Variants in SYN3 observed in about 807,000 individuals in gnomAD.
SYN3 encodes synapsin-3.
SYN3 carries 35 observed loss-of-function variants against 65.8 expected under a neutral mutation model. The observed-to-expected ratio is 0.53, with a 90% CI of 0.41 to 0.70. The LOEUF is 0.70. SYN3 is among the 30% of genes least tolerant of loss of function. The probability of loss-of-function intolerance (pLI) is 0.00; values close to 1 mark genes in which losing one functional copy is unlikely to be tolerated. For synonymous variants in SYN3, 270 were observed against 292.9 expected (o/e 0.92, Z 0.80); for missense variants, 680 against 749.0 (o/e 0.91, Z 1.08).
At chr22:32,891,119 T>C (rs895075437) in intron 4 of SYN3, among the ~76,000 whole-genome samples, 3 of 152,134 alleles carry the variant, frequency 2.0e-5, no homozygotes, top group Non-Finnish European at 4.4e-5. Flanking sequence ...TGCTCCAGTT[T>C]CTTAGGTACC....
intron 6 of SYN3, among the ~76,000 whole-genome samples, chr22:32,823,027 C>A (rs1337747201): frequency 2.0e-5 from 3 of 152,124 alleles, no homozygotes; most frequent in Non-Finnish European, 1.5e-5. Flanking sequence ...TTACTCTGCG[C>A]TGTGGGATTT....
chr22:32,987,937 A>G (rs2052577205), intron 2 of SYN3, among the ~76,000 whole-genome samples: 1 of 152,222 alleles, frequency 6.6e-6, no homozygotes, highest in Non-Finnish European at 1.5e-5. Flanking sequence ...TACGAATAAA[A>G]TGCACGACCA....
At chr22:32,981,195 G>A (rs920000704) in intron 2 of SYN3, among the ~76,000 whole-genome samples, 27 of 151,858 alleles carry the variant, frequency 1.8e-4, no homozygotes, top group African/African-American at 6.3e-4. Flanking sequence ...GTAGAGGGGA[G>A]ATGGTGGATA....
intron 6 of SYN3, among the ~76,000 whole-genome samples, chr22:32,847,747 TTGAG>T (rs1197097375): frequency 6.6e-6 from 1 of 152,240 alleles, no homozygotes; most frequent in Non-Finnish European, 1.5e-5. Context: ...CAAGCATTTA[TTGAG>T]TATCTACTCC....
At chr22:32,637,708 G>A (rs1459461652) in intron 6 of SYN3, among the ~76,000 whole-genome samples, 2 of 138,656 alleles carry the variant, frequency 1.4e-5, no homozygotes, top group Non-Finnish European at 3.0e-5. Flanking sequence ...CACGATGCCA[G>A]CTCACTGCAA....
chr22:32,838,179 A>G (rs1268231635), intron 6 of SYN3, among the ~76,000 whole-genome samples: 1 of 152,188 alleles, frequency 6.6e-6, no homozygotes, highest in Non-Finnish European at 1.5e-5. Flanking sequence ...AGGATCTGAG[A>G]TGCATAGTTC....
intron 6 of SYN3, among the ~76,000 whole-genome samples, chr22:32,644,101 A>AAAAAAAAAAAAAAAAAAAAAAAAAAGAG (rs368236821): frequency 1.4e-5 from 1 of 71,214 alleles, no homozygotes. Flanking sequence ...AAAAAAAAAA[A>AAAAAAAAAAAAAAAAAAAAAAAAAAGAG]AGCGACAAGA....
At chr22:33,044,073 G>T (rs2054014255) in intron 1 of SYN3, among the ~76,000 whole-genome samples, 1 of 151,602 alleles carries the variant, frequency 6.6e-6, no homozygotes, top group African/African-American at 2.4e-5. Context: ...AAAGTGCATT[G>T]AACTATGCTT....
chr22:32,944,991 G>A (rs1298805841), intron 3 of SYN3, among the ~76,000 whole-genome samples: 1 of 152,192 alleles, frequency 6.6e-6, no homozygotes, highest in Non-Finnish European at 1.5e-5. Context: ...CAAGGGATGT[G>A]AAGGATCTCT....
intron 6 of SYN3, among the ~76,000 whole-genome samples, chr22:32,841,312 G>C (rs538884859): frequency 3.9e-5 from 6 of 152,332 alleles, no homozygotes; most frequent in African/African-American, 1.4e-4. Context: ...GCCAGTGTCT[G>C]ATAGAGCACA....
intron 4 of SYN3, among the ~76,000 whole-genome samples, chr22:32,884,167 C>A (rs753754906): frequency 4.6e-5 from 7 of 152,242 alleles, no homozygotes; most frequent in South Asian, 2.1e-4. Context: ...CATTTCCCAA[C>A]AAATACACAC....
At chr22:32,562,779 T>C (rs576022350) in intron 7 of SYN3, among the ~76,000 whole-genome samples, 1 of 152,270 alleles carries the variant, frequency 6.6e-6, no homozygotes, top group Non-Finnish European at 1.5e-5. Context: ...TTCAATCTTA[T>C]ATGGACATTT....
chr22:32,848,322 T>A (rs1004994442), intron 6 of SYN3, among the ~76,000 whole-genome samples: 1 of 152,190 alleles, frequency 6.6e-6, no homozygotes, highest in Admixed American at 6.5e-5. Flanking sequence ...TTTCATAAGA[T>A]CTTTCGTTCA....
At chr22:32,977,718 T>C (rs1213897093) in intron 3 of SYN3, among the ~76,000 whole-genome samples, 3 of 132,816 alleles carry the variant, frequency 2.3e-5, no homozygotes, top group African/African-American at 8.6e-5. Flanking sequence ...CACTCCAGCC[T>C]GGCGACAGGG....
At chr22:32,617,594 T>C (rs1039061301) in intron 6 of SYN3, among the ~76,000 whole-genome samples, 2 of 151,898 alleles carry the variant, frequency 1.3e-5, no homozygotes, top group African/African-American at 2.4e-5. Context: ...GACCCAGGGC[T>C]GAAAGGTAGA....
At chr22:32,699,126 C>T (rs926459749) in intron 6 of SYN3, among the ~76,000 whole-genome samples, 16 of 152,254 alleles carry the variant, frequency 1.1e-4, no homozygotes, top group Admixed American at 8.5e-4. Context: ...TCTCCAGTGG[C>T]TCCATTGAGC....
At chr22:32,820,471 C>T (rs1242489209) in intron 6 of SYN3, among the ~76,000 whole-genome samples, 1 of 152,094 alleles carries the variant, frequency 6.6e-6, no homozygotes, top group African/African-American at 2.4e-5. Flanking sequence ...GGAAAACCTG[C>T]ACCTGAAAGC....
intron 6 of SYN3, among the ~76,000 whole-genome samples, chr22:32,662,236 T>C (rs1349171349): frequency 6.7e-6 from 1 of 149,220 alleles, no homozygotes; most frequent in Non-Finnish European, 1.5e-5. Flanking sequence ...CCCTTGGCTC[T>C]CAGATGCCTT....
intron 2 of SYN3, among the ~76,000 whole-genome samples, chr22:32,985,178 A>G (rs183530130): frequency 1.3e-5 from 2 of 152,340 alleles, no homozygotes; most frequent in East Asian, 3.9e-4. Context: ...TGAGGATTAA[A>G]TGAAACAAGG....
Sources: allele counts gnomAD v4.1 joint callset (sites outside exome capture counted in the v4.1 genomes callset), GRCh38; gene constraint gnomAD v4.1.1; transcripts MANE v1.5; gene names NCBI Gene and HGNC (gene_info 2026-07-23, HGNC 2026-07-21).